The following QSOX2 variants were observed in gnomAD, a reference collection of about 807,000 sequenced individuals.
The protein encoded by QSOX2 is sulfhydryl oxidase 2.
In QSOX2, 46 loss-of-function variants were observed where a neutral mutation model predicts 61.7. The observed-to-expected ratio is 0.75, with a 90% CI of 0.59 to 0.95. QSOX2 has a LOEUF of 0.95. Ranked by LOEUF, QSOX2 falls within the 40% of genes least tolerant of loss-of-function variation. The probability of loss-of-function intolerance (pLI) is 0.00; values close to 1 mark genes in which losing one functional copy is unlikely to be tolerated. For synonymous variants in QSOX2, 383 were observed against 388.4 expected (o/e 0.99, Z 0.16); for missense variants, 879 against 918.9 (o/e 0.96, Z 0.56).
At chr9:136,220,841 G>C (rs1016023105) in intron 6 of QSOX2, among the ~76,000 whole-genome samples, 1 of 152,084 alleles carries the variant, frequency 6.6e-6, no homozygotes, top group African/African-American at 2.4e-5. Flanking sequence ...CTCCTGAGTA[G>C]CTGGGACTAC....
chr9:136,208,655 T>C lies in QSOX2; in HGVS notation c.*73A>G, dbSNP rs953406127. 6.0e-6 allele frequency: 9 copies of C among 1,487,956 alleles called. No individual in the cohort carries two copies. The highest frequency in any genetic ancestry group is 1.4e-5 in the South Asian group (1 of 70,814). 92.2% of individuals were successfully genotyped at this position (1,487,956 alleles called of 1,614,324 possible). A position where few individuals can be genotyped will look rare whatever the true frequency, so the allele number is the denominator to read the frequency against. On this transcript the variant is annotated 3_prime_UTR_variant, in exon 12 of 12. Transcript: ENST00000358701. ...TTTATAAAATCCCTGATCATAAATATTAAAGCTGCAGGTGGCACGGGGCAG... is the reference window on the plus strand; with the variant it reads ...TTTATAAAATCCCTGATCATAAATACTAAAGCTGCAGGTGGCACGGGGCAG...
intron 9 of QSOX2, among the ~76,000 whole-genome samples, chr9:136,215,712 T>C (rs1483365900): frequency 6.6e-6 from 1 of 152,174 alleles, no homozygotes; most frequent in African/African-American, 2.4e-5. Context: ...ACAAGGTGTG[T>C]TCACTTTGAA....
chr9:136,215,993 G>GA (rs1831907775), intron 9 of QSOX2, among the ~76,000 whole-genome samples: 1 of 152,250 alleles, frequency 6.6e-6, no homozygotes, highest in Non-Finnish European at 1.5e-5. Flanking sequence ...GCCAGCAAAT[G>GA]ACAAAGCTGG....
At chr9:136,214,651 C>G (rs1276440320) in intron 10 of QSOX2, among the ~76,000 whole-genome samples, 1 of 152,220 alleles carries the variant, frequency 6.6e-6, no homozygotes, top group Non-Finnish European at 1.5e-5. Context: ...CCAGGCCCAG[C>G]TGACACTCCG....
Position 136,216,792 on chromosome 9 carries a change from C to T in QSOX2, c.1087-70G>A, listed in dbSNP as rs1048771666. 103 of 1,570,562 alleles carry T rather than the reference C, an allele frequency of 6.6e-5. 1 individual carries two copies. The Admixed American group carries it at 1.5e-3, about 23-fold the overall frequency. On this transcript the variant is annotated intron_variant, in intron 8 of 11. Transcript: ENST00000358701. The stretch of plus-strand genomic sequence containing the variant: ...GGCCCGCCCCCACCGCGGGGGGCAC[C>T]GCACCTCCAAAGAGAAGCACTCCAT...
chr9:136,220,720 T>G (rs1264047881), intron 6 of QSOX2, among the ~76,000 whole-genome samples: 9 of 151,338 alleles, frequency 5.9e-5, no homozygotes, highest in African/African-American at 2.2e-4. Flanking sequence ...TTTTCTTTCT[T>G]TTTTTTTTGA....
chr9:136,234,188 C>G (rs573544216), intron 1 of QSOX2, among the ~76,000 whole-genome samples: 1 of 152,222 alleles, frequency 6.6e-6, no homozygotes. Context: ...CTCTTTTGTG[C>G]GACGATCTTC....
intron 1 of QSOX2, 126 bp from the exon 2 acceptor site, chr9:136,227,000 T>C: frequency 1.4e-6 from 1 of 729,576 alleles, no homozygotes. Flanking sequence ...CTCTAGGTCA[T>C]CAGTTAGGCC....
chr9:136,215,648 G>A (rs997006723), intron 9 of QSOX2, among the ~76,000 whole-genome samples: 1 of 152,172 alleles, frequency 6.6e-6, no homozygotes, highest in Admixed American at 6.5e-5. Context: ...TAAGAGAAAA[G>A]GCAACTAACA....
chr9:136,210,031 G>A, intron 11 of QSOX2: 14 of 985,456 alleles, frequency 1.4e-5, no homozygotes, highest in South Asian at 4.7e-5. Flanking sequence ...ACGTTTGTCT[G>A]GGGGACTTGA....
intron 1 of QSOX2, among the ~76,000 whole-genome samples, chr9:136,238,380 G>A (rs547923173): frequency 1.1e-4 from 16 of 152,052 alleles, no homozygotes; most frequent in African/African-American, 3.1e-4. Context: ...CATGGCCTTC[G>A]GTAACTTTTG....
chr9:136,235,953 T>C (rs1830377230), intron 1 of QSOX2, among the ~76,000 whole-genome samples: 1 of 152,206 alleles, frequency 6.6e-6, no homozygotes, highest in Non-Finnish European at 1.5e-5. Context: ...GAGAGCAGTT[T>C]CCATCGTAAG....
At chr9:136,213,273 T>A (rs1831870728) in intron 10 of QSOX2, among the ~76,000 whole-genome samples, 1 of 135,158 alleles carries the variant, frequency 7.4e-6, no homozygotes, top group Non-Finnish European at 1.5e-5. Context: ...TTTGAGACAG[T>A]CTTGCTGTTG....
chr9:136,222,280 C>T lies in QSOX2; in HGVS notation c.676-339G>A, dbSNP rs1830226460. Among the ~76,000 whole-genome samples the T allele has an allele frequency of 6.6e-6, 1 of 152,224 alleles. No individual in the cohort carries two copies. The highest frequency in any genetic ancestry group is 1.5e-5 in the Non-Finnish European group (1 of 68,042). ...GTCCCTGCACACAGCAGCCACACCC[C>T]ACGGCCTCGCACTCCCGTCCCGCGT... On this transcript the variant is annotated intron_variant, in intron 5 of 11. Transcript: ENST00000358701. The surrounding 1 kb of genome is among the most constrained non-coding windows in gnomAD (Gnocchi z 6.9).
intron 1 of QSOX2, among the ~76,000 whole-genome samples, chr9:136,233,773 A>G (rs1830353348): frequency 6.6e-6 from 1 of 152,222 alleles, no homozygotes; most frequent in Non-Finnish European, 1.5e-5. Flanking sequence ...CCAGTGCCAA[A>G]CACAAACGCA....
At chr9:136,225,052 C>G in intron 2 of QSOX2, 143 bp from the exon 3 acceptor site, 1 of 580,130 alleles carries the variant, frequency 1.7e-6, no homozygotes, top group Non-Finnish European at 3.0e-6. Context: ...ACAAACCACA[C>G]GCTTCTCCTT....
At chr9:136,225,489 G>A (rs982971276) in intron 2 of QSOX2, among the ~76,000 whole-genome samples, 8 of 152,226 alleles carry the variant, frequency 5.3e-5, no homozygotes, top group Non-Finnish European at 8.8e-5. Flanking sequence ...TGACACCCAC[G>A]GCCCACAAAG....
At position 136,206,756 on chromosome 9, in the gene QSOX2, C is replaced by A. The variant is rs1448918356; in HGVS notation, c.*1972G>T. The A allele has an allele frequency of 6.6e-6, 1 of 152,294 alleles. No individual in the cohort carries two copies. Among genetic ancestry groups the A allele is most frequent in the East Asian group, 1.9e-4 (1 of 5,340 alleles). The allele number at this position is 152,294 out of a possible 1,614,324, so 9.4% of individuals were successfully genotyped here. ...GACCTCAAACTGCAATATGATGAAA[C>A]CTGCAGCCAACACTGCCCTCCACAA... On this transcript the variant is annotated 3_prime_UTR_variant, in exon 12 of 12. Transcript: ENST00000358701.
In QSOX2 at chr9:136,222,254, A is replaced by G. The variant is rs1442754243; in HGVS notation, c.676-313T>C. Among the ~76,000 whole-genome samples the G allele has an allele frequency of 6.6e-6, 1 of 152,182 alleles. No homozygotes were observed. Among genetic ancestry groups the G allele is most frequent in the Non-Finnish European group, 1.5e-5 (1 of 68,032 alleles). ...CCACAACACTGATACTGGTCAAGTG[A>G]GTCCCTGCACACAGCAGCCACACCC... On this transcript the variant is annotated intron_variant, in intron 5 of 11. Coordinates refer to ENST00000358701, the MANE Select transcript of QSOX2 (RefSeq NM_181701.4). The surrounding 1 kb of genome is among the most constrained non-coding windows in gnomAD (Gnocchi z 6.9).
Sources: gnomAD v4.1 joint callset for allele counts (sites outside exome capture counted in the v4.1 genomes callset) on GRCh38, gnomAD v4.1.1 for gene constraint, Gnocchi (gnomAD v3.1) non-coding constraint, MANE v1.5 for transcripts, NCBI Gene and HGNC (gene_info 2026-07-23, HGNC 2026-07-21) for gene names.